Variants in AIMP2 observed in about 807,000 individuals in gnomAD.
AIMP2 encodes the protein aminoacyl tRNA synthase complex-interacting multifunctional protein 2.
AIMP2 carries 20 observed loss-of-function variants against 23.4 expected under a neutral mutation model. That is an observed-to-expected ratio of 0.85 (90% CI 0.60 to 1.24). The LOEUF is 1.24. Among genes scored for constraint, AIMP2 ranks in the 50% most tolerant of loss-of-function variants. The pLI is 0.00. For missense variants in AIMP2, 515 were observed against 414.5 expected, an observed-to-expected ratio of 1.24 and a Z score of -2.10; for synonymous variants, 210 against 170.4, an observed-to-expected ratio of 1.23 and a Z score of -1.81.
chr7:6,017,051 G>A (rs1440863760), intron 2 of AIMP2: 1 of 152,300 alleles, frequency 6.6e-6, no homozygotes, highest in Non-Finnish European at 1.5e-5. Flanking sequence ...TTCAGTTAAC[G>A]CCTAGTATTT....
chr7:6,015,387 T>C (rs765479530), intron 2 of AIMP2, 35 bp downstream of exon 2: 5 of 1,603,458 alleles, frequency 3.1e-6, no homozygotes, highest in Non-Finnish European at 4.3e-6. Context: ...CGTTAGTAGG[T>C]ACTGAGTGGT....
At chr7:6,011,927 G>C (rs1043555679) in intron 1 of AIMP2, among the ~76,000 whole-genome samples, 2 of 152,174 alleles carry the variant, frequency 1.3e-5, no homozygotes, top group Non-Finnish European at 2.9e-5. Flanking sequence ...GTTTCTCTAG[G>C]AGGTGATAAC....
rs774693908 is a variant in AIMP2, at chr7:6,017,891, G to T, written c.420G>T (p.Arg140Ser). The T allele has an allele frequency of 6.2e-7, 1 of 1,614,066 alleles. No homozygotes were observed. Among genetic ancestry groups the T allele is most frequent in the African/African-American group, 1.3e-5 (1 of 75,018 alleles). ...SPPLSLLVLH[R>S]LLCEHFRVLS... is the part of the protein sequence containing the mutation. ...CCCTCTCCCTGCTTGTGCTGCACAGGCTGCTCTGTGAGCACTTCAGGGTCC... is the reference window on the plus strand; with the variant it reads ...CCCTCTCCCTGCTTGTGCTGCACAGTCTGCTCTGTGAGCACTTCAGGGTCC... Residue 140 changes from arginine (R) to serine (S), a missense_variant, in exon 3 of 4, where the codon AGG becomes AGT. Arg to Ser is a moderately radical substitution (Grantham distance 110, BLOSUM62 -1). Coordinates refer to ENST00000223029, the MANE Select transcript of AIMP2 (RefSeq NM_006303.4).
chr7:6,020,926 G>A (rs968114699), intron 3 of AIMP2, among the ~76,000 whole-genome samples: 3 of 152,170 alleles, frequency 2.0e-5, no homozygotes, highest in African/African-American at 7.2e-5. Flanking sequence ...TAACACCTGA[G>A]ACTTAACGGG....
intron 3 of AIMP2, among the ~76,000 whole-genome samples, chr7:6,020,859 G>A (rs146555101): frequency 5.1e-4 from 77 of 152,332 alleles, no homozygotes; most frequent in African/African-American, 1.8e-3. Context: ...TAACTGTCCT[G>A]TTTTGTGCAG....
rs773768396 is a variant in AIMP2 at position 6,017,883 on chromosome 7, C to CT, written c.413dup (p.His139AlafsTer6). 2 of 1,614,138 alleles carry CT rather than the reference C, an allele frequency of 1.2e-6. No individual in the cohort carries two copies. The highest frequency in any genetic ancestry group is 1.6e-4 in the Middle Eastern group (1 of 6,062). ...CTCCCCTCCCCTCTCCCTGCTTGTG[C>CT]TGCACAGGCTGCTCTGTGAGCACTT... On this transcript the variant is annotated frameshift_variant, in exon 3 of 4. Coordinates refer to ENST00000223029, the MANE Select transcript of AIMP2 (RefSeq NM_006303.4). LOFTEE classifies it high-confidence loss of function.
At chr7:6,021,178 T>C (rs1787381571) in intron 3 of AIMP2, among the ~76,000 whole-genome samples, 1 of 151,820 alleles carries the variant, frequency 6.6e-6, no homozygotes, top group Non-Finnish European at 1.5e-5. Flanking sequence ...AAATTGTCAG[T>C]GCTATGAAAG....
chr7:6,023,617 G>T lies in AIMP2; in HGVS notation c.889G>T (p.Ala297Ser), dbSNP rs768623646. The change falls in exon 4 of 4, where the codon GCC becomes TCC. Residue 297 changes from alanine to serine, a missense_variant. Coordinates refer to ENST00000223029, the MANE Select transcript of AIMP2 (RefSeq NM_006303.4). ...CGGAGGCTGCAGTGTGACAGTGCCA[G>T]CCAATGTGCAGAGGTGGATGAGGTC... ...QIGGCSVTVP[A>S]NVQRWMRSCE... The T allele has an allele frequency of 1.2e-6, 2 of 1,614,186 alleles. No individual in the cohort carries two copies. Among genetic ancestry groups the T allele is most frequent in the Non-Finnish European group, 1.7e-6 (2 of 1,180,012 alleles).
chr7:6,018,097 A>G (rs998146325), intron 3 of AIMP2, 52 bp downstream of exon 3: 14 of 1,418,980 alleles, frequency 9.9e-6, no homozygotes, highest in Non-Finnish European at 1.4e-5. Flanking sequence ...CTTGAACACC[A>G]TGAGTTTCAC....
At chr7:6,009,613 C>CAGA in intron 1 of AIMP2, 115 bp downstream of exon 1, 1 of 931,890 alleles carries the variant, frequency 1.1e-6, no homozygotes, top group Non-Finnish European at 1.4e-6. Flanking sequence ...ACCCCGGCAT[C>CAGA]TGTGCCGGCC....
chr7:6,020,972 C>A (rs565454929), intron 3 of AIMP2, among the ~76,000 whole-genome samples: 1 of 152,174 alleles, frequency 6.6e-6, no homozygotes, highest in South Asian at 2.1e-4. Context: ...TTTGGTTGTA[C>A]AACGTCTGGA....
chr7:6,009,615 G>GA, intron 1 of AIMP2, 117 bp downstream of exon 1: 2 of 916,256 alleles, frequency 2.2e-6, no homozygotes, highest in Non-Finnish European at 2.9e-6. Flanking sequence ...CCCGGCATCT[G>GA]TGCCGGCCGG....
intron 3 of AIMP2, chr7:6,022,960 C>T: frequency 4.0e-6 from 1 of 249,864 alleles, no homozygotes; most frequent in Non-Finnish European, 7.7e-6. Context: ...ATTATGAGGC[C>T]AAGAGCCTGG....
At chr7:6,018,559 C>T (rs113550480) in intron 3 of AIMP2, among the ~76,000 whole-genome samples, 3,791 of 151,934 alleles carry the variant, frequency 0.025, 87 homozygotes, top group Middle Eastern at 0.13. Flanking sequence ...AACAAGGCCA[C>T]GCGCAGGGGC....
At chr7:6,010,675 C>G (rs1786606084) in intron 1 of AIMP2, among the ~76,000 whole-genome samples, 1 of 152,014 alleles carries the variant, frequency 6.6e-6, no homozygotes, top group Non-Finnish European at 1.5e-5. Context: ...TCTCGAACTC[C>G]TGACCTCAAG....
intron 2 of AIMP2, among the ~76,000 whole-genome samples, chr7:6,016,369 A>C (rs1787031216): frequency 6.6e-6 from 1 of 152,222 alleles, no homozygotes; most frequent in South Asian, 2.1e-4. Flanking sequence ...GGGTGATAGA[A>C]TAGCACTACT....
intron 3 of AIMP2, among the ~76,000 whole-genome samples, chr7:6,021,204 C>T (rs1274065152): frequency 6.6e-6 from 1 of 152,022 alleles, no homozygotes; most frequent in Non-Finnish European, 1.5e-5. Flanking sequence ...CCTGGCTGGG[C>T]ATGGTGGCGC....
At chr7:6,015,470 A>G in intron 2 of AIMP2, 118 bp downstream of exon 2, 1 of 1,105,258 alleles carries the variant, frequency 9.0e-7, no homozygotes, top group South Asian at 1.4e-5. Context: ...CACGCCTGTA[A>G]TTCCAGCACT....
intron 1 of AIMP2, chr7:6,012,772 G>C (rs1239656542): frequency 2.1e-6 from 2 of 947,426 alleles, no homozygotes; most frequent in Non-Finnish European, 2.7e-6. Context: ...TTGTCCTCTC[G>C]AACTCCTGAC....
Sources: allele counts gnomAD v4.1 joint callset (sites outside exome capture counted in the v4.1 genomes callset), GRCh38; gene constraint gnomAD v4.1.1; transcripts MANE v1.5; gene names NCBI Gene and HGNC (gene_info 2026-07-23, HGNC 2026-07-21).